The following KDM4A variants were observed in gnomAD, a reference collection of about 807,000 sequenced individuals.
KDM4A encodes lysine demethylase 4A.
A neutral mutation model predicts 127.1 loss-of-function variants in KDM4A; 23 were observed. The ratio of observed to expected loss-of-function variants is 0.18; its 90% confidence interval spans 0.13 to 0.26. KDM4A has a LOEUF of 0.26. Ranked by LOEUF, KDM4A falls within the 10% of genes least tolerant of loss-of-function variation. The probability of loss-of-function intolerance (pLI) is 1.00; values close to 1 mark genes in which losing one functional copy is unlikely to be tolerated. For synonymous variants in KDM4A, 443 were observed against 466.5 expected, an observed-to-expected ratio of 0.95 and a Z score of 0.65; for missense variants, 890 against 1,329.1, an observed-to-expected ratio of 0.67 and a Z score of 5.14.
At position 43,666,573 on chromosome 1, in the gene KDM4A, G is replaced by A; in HGVS notation, c.777+18G>A. The A allele has an allele frequency of 6.3e-7, 1 of 1,596,442 alleles. No individual in the cohort carries two copies. The highest frequency in any genetic ancestry group is 8.6e-7 in the Non-Finnish European group (1 of 1,164,096). ...TTGACAAGGTGAGCTGATGTTACAT[G>A]CCAAAGTTCTCAGGCACCACCCTTT... On this transcript the variant is annotated intron_variant, in intron 7 of 21. Coordinates refer to ENST00000372396, the MANE Select transcript of KDM4A (RefSeq NM_014663.3).
At position 43,704,596 on chromosome 1, in the gene KDM4A, G is replaced by T; in HGVS notation, c.*226G>T. ...CAGCAGTCGCTGATCTCCCAGCTGA[G>T]GGGCTGAGCACTGGAATGCTGTGGC... On this transcript the variant is annotated 3_prime_UTR_variant, in exon 22 of 22. Transcript: ENST00000372396. 1 of 534,184 alleles carries T rather than the reference G, an allele frequency of 1.9e-6. No individual in the cohort carries two copies. Among genetic ancestry groups the T allele is most frequent in the Non-Finnish European group, 3.3e-6 (1 of 301,984 alleles). The allele number at this position is 534,184 out of a possible 1,614,324, so 33.1% of individuals were successfully genotyped here. A position where few individuals can be genotyped will look rare whatever the true frequency, so the allele number is the denominator to read the frequency against.
chr1:43,668,039 G>C lies in KDM4A; in HGVS notation c.1163+20G>C. The C allele has an allele frequency of 6.2e-7, 1 of 1,612,732 alleles. No homozygotes were observed. ...GACAAGGTAACCCAGCAGCCCTTTT[G>C]TCCTGGCTGCGTGAGGGAGGGATGT... On this transcript the variant is annotated intron_variant, in intron 9 of 21. Coordinates refer to ENST00000372396, the MANE Select transcript of KDM4A (RefSeq NM_014663.3).
chr1:43,666,686 T>A, intron 7 of KDM4A, 131 bp downstream of exon 7: 1 of 772,096 alleles, frequency 1.3e-6, no homozygotes, highest in Non-Finnish European at 2.1e-6. Context: ...AACACTTTGA[T>A]CTAAGAGCAT....
chr1:43,681,844 T>C (rs1447015565), intron 11 of KDM4A, among the ~76,000 whole-genome samples: 3 of 152,230 alleles, frequency 2.0e-5, no homozygotes, highest in Non-Finnish European at 4.4e-5. Flanking sequence ...TATTAGTATA[T>C]GTAATTGATT....
chr1:43,656,544 G>A (rs1660245176), intron 3 of KDM4A, among the ~76,000 whole-genome samples: 1 of 151,494 alleles, frequency 6.6e-6, no homozygotes, highest in South Asian at 2.1e-4. Context: ...CGCCACATTG[G>A]CCAGGCTGGT....
chr1:43,654,853 T>C (rs557028317), intron 2 of KDM4A, among the ~76,000 whole-genome samples: 1 of 152,204 alleles, frequency 6.6e-6, no homozygotes, highest in East Asian at 1.9e-4. Context: ...AGATTAGATT[T>C]TTTTTGTTTT....
chr1:43,666,407 C>A, intron 6 of KDM4A, 45 bp from the exon 7 acceptor site: 1 of 1,481,196 alleles, frequency 6.8e-7, no homozygotes, highest in Non-Finnish European at 9.4e-7. Flanking sequence ...GATTGCGGAG[C>A]TAGTGTGGAG....
Position 43,688,669 on chromosome 1 carries a change from T to C in KDM4A, c.1856-245T>C, listed in dbSNP as rs1274060753. ...TGAGCTCGTGGGGCAGGAGGAAGAA[T>C]GGAGGCCATGAGTCAGTCTGGCCAG... On this transcript the variant is annotated intron_variant, in intron 12 of 21. Coordinates refer to ENST00000372396, the MANE Select transcript of KDM4A (RefSeq NM_014663.3). This position sits in a 1 kb window ranked among gnomAD's most constrained non-coding sequence, Gnocchi z 4.4. Among the ~76,000 whole-genome samples the C allele has an allele frequency of 1.3e-5, 2 of 152,076 alleles. No individual in the cohort carries two copies. Among genetic ancestry groups the C allele is most frequent in the South Asian group, 2.1e-4 (1 of 4,822 alleles).
intron 3 of KDM4A, among the ~76,000 whole-genome samples, chr1:43,657,909 A>T (rs1175717834): frequency 1.3e-5 from 2 of 149,388 alleles, no homozygotes; most frequent in African/African-American, 4.9e-5. Flanking sequence ...CGCCCGGCCA[A>T]TTTTTTTGTA....
At chr1:43,653,438 C>A (rs1329912939) in intron 2 of KDM4A, 125 bp downstream of exon 2, 2 of 859,608 alleles carry the variant, frequency 2.3e-6, no homozygotes, top group East Asian at 2.7e-5. Flanking sequence ...TTAGTGAATG[C>A]GGTTCTATTT....
intron 5 of KDM4A, among the ~76,000 whole-genome samples, chr1:43,663,623 AT>A (rs11442176): frequency 2.0e-4 from 29 of 146,272 alleles, no homozygotes; most frequent in South Asian, 8.7e-4. Context: ...GAGTCTCAGC[AT>A]TTTTTTTTTT....
At chr1:43,691,678 C>T (rs556812408) in intron 15 of KDM4A, 106 bp downstream of exon 15, 11 of 951,456 alleles carry the variant, frequency 1.2e-5, no homozygotes, top group Admixed American at 8.9e-5. Context: ...TGCATAGGGT[C>T]TGGTACGCGG....
chr1:43,697,447 T>C (rs759324814), intron 18 of KDM4A, among the ~76,000 whole-genome samples: 1 of 152,256 alleles, frequency 6.6e-6, no homozygotes, highest in Non-Finnish European at 1.5e-5. Context: ...TGCTAAGATG[T>C]GGTGCAGCTT....
chr1:43,662,283 A>C (rs772922276), intron 4 of KDM4A, among the ~76,000 whole-genome samples: 2 of 151,296 alleles, frequency 1.3e-5, no homozygotes, highest in East Asian at 3.9e-4. Flanking sequence ...TTTCTTTAGC[A>C]TCAGTTCAAA....
chr1:43,666,652 C>A lies in KDM4A; in HGVS notation c.777+97C>A. ...GTTCATCACTATACCAAGAGGGGGCCAAAGCTTAAATAAACTATGTAACAA... is the reference window on the plus strand; with the variant it reads ...GTTCATCACTATACCAAGAGGGGGCAAAAGCTTAAATAAACTATGTAACAA... On this transcript the variant is annotated intron_variant, in intron 7 of 21. Transcript: ENST00000372396. 6.1e-6 allele frequency: 6 copies of A among 986,174 alleles called. No homozygotes were observed. In the South Asian group the frequency reaches 7.3e-5, roughly 12 times the overall value. 61.1% of individuals were successfully genotyped at this position (986,174 alleles called of 1,614,324 possible).
chr1:43,657,941 C>A (rs1660285988), intron 3 of KDM4A, among the ~76,000 whole-genome samples: 1 of 151,700 alleles, frequency 6.6e-6, no homozygotes, highest in Non-Finnish European at 1.5e-5. Flanking sequence ...GATGGGGTTT[C>A]ACCATATTGG....
chr1:43,692,385 A>G lies in KDM4A; in HGVS notation c.2375+74A>G, dbSNP rs750755929. 10 of 1,288,050 alleles carry G rather than the reference A, an allele frequency of 7.8e-6. No homozygotes were observed. The African/African-American group carries it at 1.5e-4, about 19-fold the overall frequency. The allele number at this position is 1,288,050 out of a possible 1,614,324, so 79.8% of individuals were successfully genotyped here. A position where few individuals can be genotyped will look rare whatever the true frequency, so the allele number is the denominator to read the frequency against. Reference sequence around the variant, plus strand: ...CACACAGTGTCTTTGTGAGGGTACTAGCTGTTCTTCTGAATGACTGATGAG... The same window carrying G: ...CACACAGTGTCTTTGTGAGGGTACTGGCTGTTCTTCTGAATGACTGATGAG... On this transcript the variant is annotated intron_variant, in intron 16 of 21. Coordinates refer to ENST00000372396, the MANE Select transcript of KDM4A (RefSeq NM_014663.3).
chr1:43,669,261 G>A lies in KDM4A; in HGVS notation c.1325G>A (p.Ser442Asn). Reference protein sequence around the residue: ...AALAPVRPTHSSVRQVEDGLT... With the variant: ...AALAPVRPTHNSVRQVEDGLT... ...CTCGCCCCTGTGAGGCCCACCCATA[G>A]CTCTGTGCGGCAAGTTGAGGATGGT... The change falls in exon 10 of 22, where the codon AGC becomes AAC. Residue 442 changes from serine to asparagine, a missense_variant. Transcript: ENST00000372396. 6.2e-7 allele frequency: 1 copy of A among 1,614,218 alleles called. No individual in the cohort carries two copies.
intron 3 of KDM4A, among the ~76,000 whole-genome samples, chr1:43,656,545 C>T (rs1380548412): frequency 6.6e-6 from 1 of 151,680 alleles, no homozygotes; most frequent in Non-Finnish European, 1.5e-5. Context: ...GCCACATTGG[C>T]CAGGCTGGTC....
Sources: gnomAD v4.1 joint callset for allele counts (sites outside exome capture counted in the v4.1 genomes callset) on GRCh38, gnomAD v4.1.1 for gene constraint, Gnocchi (gnomAD v3.1) non-coding constraint, MANE v1.5 for transcripts, NCBI Gene and HGNC (gene_info 2026-07-23, HGNC 2026-07-21) for gene names.